The following CHST11 variants were observed in gnomAD, a reference collection of about 807,000 sequenced individuals.
CHST11 encodes C4S-1.
In CHST11, 9 loss-of-function variants were observed where a neutral mutation model predicts 30.4. The observed-to-expected ratio is 0.30, with a 90% confidence interval of 0.18 to 0.52. The LOEUF is 0.52. CHST11 is among the 20% of genes least tolerant of loss of function. CHST11 has a pLI of 0.97. For missense variants in CHST11, 348 were observed against 460.6 expected (o/e 0.76, Z 2.24); for synonymous variants, 152 against 187.8 (o/e 0.81, Z 1.56).
intron 2 of CHST11, among the ~76,000 whole-genome samples, chr12:104,604,621 C>G (rs2038986034): frequency 6.6e-6 from 1 of 152,114 alleles, no homozygotes; most frequent in Non-Finnish European, 1.5e-5. Flanking sequence ...TGATTGGGCT[C>G]AGTTGCAGTT....
chr12:104,651,685 A>G lies in CHST11; in HGVS notation c.204+49694A>G, dbSNP rs139452602. On this transcript the variant is annotated intron_variant, in intron 2 of 2. Transcript: ENST00000303694. ...CATTCTAGAAGGTTCTAAGGAAACA[A>G]AACCAGGGCCTATGATTCCCAGCCC... 2.6e-4 allele frequency among the ~76,000 whole-genome samples: 40 copies of G among 152,298 alleles called. 1 individual carries two copies. In the East Asian group the frequency reaches 7.7e-3, roughly 29 times the overall value.
chr12:104,610,248 A>G (rs967652637), intron 2 of CHST11, among the ~76,000 whole-genome samples: 1 of 152,162 alleles, frequency 6.6e-6, no homozygotes, highest in Non-Finnish European at 1.5e-5. Flanking sequence ...ATAAGACCTC[A>G]TCTCTGGGTT....
intron 1 of CHST11, among the ~76,000 whole-genome samples, chr12:104,544,250 G>T (rs952063989): frequency 2.0e-5 from 3 of 152,020 alleles, no homozygotes; most frequent in Non-Finnish European, 4.4e-5. Context: ...TCTAAAGAAA[G>T]TATTGGTCAA....
At chr12:104,736,867 A>G (rs146018854) in intron 2 of CHST11, among the ~76,000 whole-genome samples, 4 of 152,290 alleles carry the variant, frequency 2.6e-5, no homozygotes, top group African/African-American at 9.6e-5. Flanking sequence ...TGATTTTTGA[A>G]AGCATAGGAG....
intron 2 of CHST11, among the ~76,000 whole-genome samples, chr12:104,658,069 C>T (rs2039562675): frequency 6.6e-6 from 1 of 152,218 alleles, no homozygotes; most frequent in East Asian, 1.9e-4. Flanking sequence ...CAGAGTTTTA[C>T]AAGCATGCTG....
chr12:104,722,196 T>TGTGTGTGTGTGTG (rs1555247521), intron 2 of CHST11, among the ~76,000 whole-genome samples: 1 of 75,014 alleles, frequency 1.3e-5, no homozygotes, highest in African/African-American at 8.1e-5. Flanking sequence ...GTGTATGAGA[T>TGTGTGTGTGTGTG]TTTACCATTG....
chr12:104,720,197 T>C (rs1197110074), intron 2 of CHST11, among the ~76,000 whole-genome samples: 1 of 152,260 alleles, frequency 6.6e-6, no homozygotes, highest in African/African-American at 2.4e-5. Flanking sequence ...GACTCTGGCA[T>C]CAGCTGCCAT....
intron 2 of CHST11, among the ~76,000 whole-genome samples, chr12:104,668,712 C>T (rs1411062850): frequency 6.6e-6 from 1 of 152,146 alleles, no homozygotes; most frequent in Non-Finnish European, 1.5e-5. Flanking sequence ...GGCAGCAACC[C>T]CCATAGATGT....
At chr12:104,552,624 C>T (rs1036629504) in intron 1 of CHST11, 1 of 152,150 alleles carries the variant, frequency 6.6e-6, no homozygotes, top group African/African-American at 2.4e-5. Flanking sequence ...GATCTTTACT[C>T]GGCTGTCTTC....
intron 1 of CHST11, among the ~76,000 whole-genome samples, chr12:104,598,118 C>T (rs2038924443): frequency 6.6e-6 from 1 of 152,212 alleles, no homozygotes; most frequent in Non-Finnish European, 1.5e-5. Context: ...GCCTTGGTTA[C>T]TCAAACTTCC....
chr12:104,580,162 CT>C (rs1302037806), intron 1 of CHST11, among the ~76,000 whole-genome samples: 1 of 152,176 alleles, frequency 6.6e-6, no homozygotes, highest in African/African-American at 2.4e-5. Context: ...GACTTTCCCC[CT>C]ACATTTGGGG....
intron 1 of CHST11, among the ~76,000 whole-genome samples, chr12:104,570,365 G>A (rs150326037): frequency 3.9e-5 from 6 of 152,056 alleles, no homozygotes; most frequent in East Asian, 1.9e-4. Context: ...AGATTTTACC[G>A]TCTGTAAACC....
At chr12:104,553,309 C>T (rs955692692) in intron 1 of CHST11, 7 of 152,142 alleles carry the variant, frequency 4.6e-5, no homozygotes, top group Non-Finnish European at 7.4e-5. Context: ...GCTTCACATA[C>T]GAAGTGCACT....
chr12:104,488,205 A>C (rs546419489), intron 1 of CHST11, among the ~76,000 whole-genome samples: 1 of 152,246 alleles, frequency 6.6e-6, no homozygotes, highest in East Asian at 1.9e-4. Context: ...GGCTTTGCAC[A>C]TGGGAACCAC....
At chr12:104,708,022 C>G (rs1249827657) in intron 2 of CHST11, among the ~76,000 whole-genome samples, 1 of 152,234 alleles carries the variant, frequency 6.6e-6, no homozygotes, top group African/African-American at 2.4e-5. Flanking sequence ...CACATACACA[C>G]AACACACATG....
At chr12:104,584,459 G>A (rs561804135) in intron 1 of CHST11, among the ~76,000 whole-genome samples, 17 of 151,892 alleles carry the variant, frequency 1.1e-4, no homozygotes, top group Admixed American at 3.9e-4. Context: ...GTTTTACCAC[G>A]TTAGCCAGAC....
chr12:104,740,723 G>A (rs2040339363), intron 2 of CHST11, among the ~76,000 whole-genome samples: 1 of 152,220 alleles, frequency 6.6e-6, no homozygotes, highest in Non-Finnish European at 1.5e-5. Flanking sequence ...ATGCAATTGA[G>A]GGTGTCTTAT....
chr12:104,557,224 G>A (rs1037093237), intron 1 of CHST11, among the ~76,000 whole-genome samples: 8 of 152,146 alleles, frequency 5.3e-5, no homozygotes, highest in African/African-American at 1.7e-4. Flanking sequence ...GTGCAGGGGC[G>A]GAGTTGGGCT....
chr12:104,513,145 T>TGGGGGGG (rs1565969854), intron 1 of CHST11, among the ~76,000 whole-genome samples: 3 of 7,612 alleles, frequency 3.9e-4, no homozygotes, highest in African/African-American at 6.8e-4. Context: ...GGGTTGGGGG[T>TGGGGGGG]GGGGAGGGAG....
Sources: allele counts gnomAD v4.1 joint callset (sites outside exome capture counted in the v4.1 genomes callset), GRCh38; gene constraint gnomAD v4.1.1; transcripts MANE v1.5; gene names NCBI Gene and HGNC (gene_info 2026-07-23, HGNC 2026-07-21).